Variants in NRAP observed in about 807,000 individuals in gnomAD.
NRAP encodes the protein nebulin-related-anchoring protein.
A neutral mutation model predicts 225.9 loss-of-function variants in NRAP; 189 were observed. That is an observed-to-expected ratio of 0.84 (90% CI 0.74 to 0.94). NRAP has a LOEUF of 0.94. NRAP is among the 40% of genes least tolerant of loss of function. The probability of loss-of-function intolerance (pLI) is 0.00; values close to 1 mark genes in which losing one functional copy is unlikely to be tolerated. For missense variants in NRAP, 2,176 were observed against 2,168.7 expected (o/e 1.00, Z -0.07); for synonymous variants, 769 against 790.7 (o/e 0.97, Z 0.46).
chr10:113,626,143 T>C lies in NRAP; in HGVS notation c.2148A>G (p.Lys716=), dbSNP rs771062106. Residue 716 remains lysine, a splice_region_variant and synonymous_variant, in exon 21 of 42, where the codon AAA becomes AAG. Transcript: ENST00000359988. ...AKKAGQLVSE[K]NYRQRVDELK... ...GCTCATCGACCCTCTGCCGGTAGTT[T>C]TTCTGTTTCCAAAGGAAAGGGACCC... 2 of 1,600,220 alleles carry C rather than the reference T, an allele frequency of 1.2e-6. No homozygotes were observed. Among genetic ancestry groups the C allele is most frequent in the African/African-American group, 1.3e-5 (1 of 74,588 alleles).
At chr10:113,626,211 G>GCC (rs1157397298) in intron 20 of NRAP, 66 bp from the exon 21 acceptor site, 8 of 951,868 alleles carry the variant, frequency 8.4e-6, no homozygotes, top group Non-Finnish European at 1.1e-5. Flanking sequence ...CTACTCATGT[G>GCC]CCCCCACACA....
At chr10:113,648,405 C>T (rs1291651951) in intron 9 of NRAP, among the ~76,000 whole-genome samples, 1 of 144,844 alleles carries the variant, frequency 6.9e-6, no homozygotes, top group Admixed American at 7.0e-5. Flanking sequence ...CCATTCTGCT[C>T]TATAGTTTTG....
chr10:113,590,228 G>A (rs1227519543), intron 40 of NRAP, among the ~76,000 whole-genome samples: 5 of 152,176 alleles, frequency 3.3e-5, no homozygotes, highest in African/African-American at 1.2e-4. Flanking sequence ...CAAACCAAAA[G>A]GGGTTGGTAT....
At chr10:113,637,689 C>T (rs184755910) in intron 14 of NRAP, among the ~76,000 whole-genome samples, 9 of 152,050 alleles carry the variant, frequency 5.9e-5, no homozygotes, top group South Asian at 2.1e-4. Flanking sequence ...TTTGGGAGGC[C>T]GAGGCAGGCG....
At position 113,614,232 on chromosome 10, in the gene NRAP, T is replaced by G. The variant is rs1420128074; in HGVS notation, c.3251A>C (p.Asp1084Ala). The change falls in exon 29 of 42, where the codon GAT becomes GCT. Residue 1084 changes from aspartate to alanine, a missense_variant. Asp to Ala is a moderately radical substitution (Grantham distance 126). Coordinates refer to ENST00000359988, the MANE Select transcript of NRAP (RefSeq NM_198060.4). Reference sequence around the variant, plus strand: ...CACTGAATGTGCAAGGCTGATATCATCTTCCAAGCTCCGGGAACCAAGCAT... The same window carrying G: ...CACTGAATGTGCAAGGCTGATATCAGCTTCCAAGCTCCGGGAACCAAGCAT... The part of the protein sequence containing the change: ...GQMLGSRSLE[D>A]DISLAHSVYA... 4.3e-6 allele frequency: 7 copies of G among 1,614,016 alleles called. No individual in the cohort carries two copies. Among genetic ancestry groups the G allele is most frequent in the Non-Finnish European group, 5.9e-6 (7 of 1,179,970 alleles).
rs1343024215 is a variant in NRAP at position 113,597,170 on chromosome 10, T to A, written c.4347A>T (p.Lys1449Asn). 6.2e-7 allele frequency: 1 copy of A among 1,609,564 alleles called. No homozygotes were observed. The highest frequency in any genetic ancestry group is 8.5e-7 in the Non-Finnish European group (1 of 1,175,786). Reference protein sequence around the residue: ...GELISETKYRKKPDSIKFTTV... With the variant: ...GELISETKYRNKPDSIKFTTV... ...TGGTGAACTTGATACTGTCTGGTTT[T>A]TTACGGTACTTGGTCTATAAGATAA... is the stretch of plus-strand genomic sequence containing the variant. Residue 1449 changes from lysine (K) to asparagine (N), a missense_variant, in exon 37 of 42, where the codon AAA becomes AAT. Coordinates refer to ENST00000359988, the MANE Select transcript of NRAP (RefSeq NM_198060.4).
intron 38 of NRAP, among the ~76,000 whole-genome samples, chr10:113,593,878 T>C (rs1374115256): frequency 6.6e-6 from 1 of 152,224 alleles, no homozygotes; most frequent in Admixed American, 6.5e-5. Flanking sequence ...CACTTTGGTG[T>C]CCAATGCACC....
rs763261692 is a variant in NRAP at position 113,629,726 on chromosome 10, C to T, written c.1902G>A (p.Met634Ile). 28 of 1,613,844 alleles carry T rather than the reference C, an allele frequency of 1.7e-5. No individual in the cohort carries two copies. The highest frequency in any genetic ancestry group is 2.3e-5 in the Non-Finnish European group (27 of 1,179,870). Residue 634 changes from methionine to isoleucine, a missense_variant, in exon 19 of 42, where the codon ATG (methionine) becomes ATA (isoleucine). Coordinates refer to ENST00000359988, the MANE Select transcript of NRAP (RefSeq NM_198060.4). ...SKTRFHLPMD[M>I]VNIRHAKKAQ... ...CCTTCTTAGCATGCCTGATGTTTAC[C>T]ATATCCATGGGCAGGTGAAACCGGG...
chr10:113,589,796 A>G lies in NRAP; in HGVS notation c.4958T>C (p.Val1653Ala). 1 of 1,613,596 alleles carries G rather than the reference A, an allele frequency of 6.2e-7. No homozygotes were observed. The highest frequency in any genetic ancestry group is 8.5e-7 in the Non-Finnish European group (1 of 1,179,854). Residue 1653 changes from valine (V) to alanine (A), a missense_variant and splice_region_variant, in exon 41 of 42, where the codon GTC becomes GCC. Physicochemically the swap from Val to Ala is moderately conservative, Grantham distance 64. Transcript: ENST00000359988. ...AQKAHQLQSDVKYKSDLNLTR... is the reference protein window; with the variant it reads ...AQKAHQLQSDAKYKSDLNLTR... ...CAGGTTCAAGTCTGATTTATACTTG[A>G]CCTTGAGGGTAAGAGGGAAGCAAGA...
chr10:113,627,359 A>T lies in NRAP; in HGVS notation c.2146-1214T>A, dbSNP rs543287878. Reference sequence around the variant, plus strand: ...TCCGTACAGAGCACAGAAGGAACATAAAAAAGGTGAAGGAAGTAATATCCT... The same window carrying T: ...TCCGTACAGAGCACAGAAGGAACATTAAAAAGGTGAAGGAAGTAATATCCT... On this transcript the variant is annotated intron_variant, in intron 20 of 41. Transcript: ENST00000359988. Among the ~76,000 whole-genome samples, 5 of 152,318 alleles carry T rather than the reference A, an allele frequency of 3.3e-5. No individual in the cohort carries two copies. The East Asian group carries it at 9.6e-4, about 29-fold the overall frequency.
At chr10:113,600,319 G>T (rs911318399) in intron 35 of NRAP, among the ~76,000 whole-genome samples, 2 of 151,204 alleles carry the variant, frequency 1.3e-5, no homozygotes, top group Non-Finnish European at 2.9e-5. Context: ...CCACAGGTGT[G>T]CACCACCACA....
Position 113,650,073 on chromosome 10 carries a change from G to A in NRAP, c.852C>T (p.Gly284=). 5.0e-6 allele frequency: 8 copies of A among 1,610,172 alleles called. No homozygotes were observed. The highest frequency in any genetic ancestry group is 1.1e-5 in the South Asian group (1 of 90,982). Residue 284 remains glycine (G), a synonymous_variant, in exon 9 of 42, where the codon GGC becomes GGT. Transcript: ENST00000359988. ...GGTCTGCACATTCCCTTGTCAAGAT[G>A]CCCTCAGCTCCAATGGCTGGACCAG... ...GMAGPAIGAE[G]ILTRECADQY...
At chr10:113,625,939 G>T in intron 21 of NRAP, 108 bp downstream of exon 21, 1 of 676,298 alleles carries the variant, frequency 1.5e-6, no homozygotes, top group Non-Finnish European at 2.4e-6. Flanking sequence ...TAGAGGGAAG[G>T]CTCTTTGGTT....
intron 4 of NRAP, among the ~76,000 whole-genome samples, chr10:113,654,780 T>C (rs1850202317): frequency 6.6e-6 from 1 of 152,198 alleles, no homozygotes; most frequent in Admixed American, 6.5e-5. Flanking sequence ...GCATCCACTT[T>C]AGAAGGTCCG....
In NRAP at chr10:113,642,950, G is replaced by A. The variant is rs1480510912; in HGVS notation, c.1199C>T (p.Ser400Leu). ...TPQFRNVSKISKFTSDNKYKE... is the reference protein window; with the variant it reads ...TPQFRNVSKILKFTSDNKYKE... ...ACAACTCACATCACTGGTAAATTTT[G>A]AGATCTTGCTCACGTTCCTGAATTG... Residue 400 changes from serine to leucine, a missense_variant, in exon 12 of 42, where the codon TCA becomes TTA. Physicochemically the swap from Ser to Leu is moderately radical, Grantham distance 145. Coordinates refer to ENST00000359988, the MANE Select transcript of NRAP (RefSeq NM_198060.4). 2 of 1,594,806 alleles carry A rather than the reference G, an allele frequency of 1.3e-6. No homozygotes were observed. The highest frequency in any genetic ancestry group is 1.3e-5 in the African/African-American group (1 of 74,516).
At chr10:113,650,818 G>A (rs1394138071) in intron 7 of NRAP, among the ~76,000 whole-genome samples, 3 of 152,212 alleles carry the variant, frequency 2.0e-5, no homozygotes, top group Admixed American at 2.0e-4. Context: ...CCTGGGCAGA[G>A]TAATAAGTCC....
In NRAP at chr10:113,647,890, C is replaced by A. The variant is rs148316889; in HGVS notation, c.889-863G>T. Among the ~76,000 whole-genome samples the A allele has an allele frequency of 1.1e-3, 174 of 152,324 alleles. 6 individuals carry two copies. Among genetic ancestry groups the A allele is most frequent in the African/African-American group, 4.1e-3 (170 of 41,560 alleles). On this transcript the variant is annotated intron_variant, in intron 9 of 41. Transcript: ENST00000359988. ...TTTCTTTTATCTTCCCCACACCATCCATCCACTCCCAGAAAGGAAAACCTT... is the reference window on the plus strand; with the variant it reads ...TTTCTTTTATCTTCCCCACACCATCAATCCACTCCCAGAAAGGAAAACCTT...
chr10:113,606,671 G>A (rs1021219257), intron 32 of NRAP, among the ~76,000 whole-genome samples: 1 of 152,206 alleles, frequency 6.6e-6, no homozygotes, highest in South Asian at 2.1e-4. Context: ...ACCCAGGCCT[G>A]TACCCTTTAC....
At chr10:113,644,768 C>T (rs751750687) in intron 11 of NRAP, among the ~76,000 whole-genome samples, 11 of 152,148 alleles carry the variant, frequency 7.2e-5, no homozygotes, top group Non-Finnish European at 1.6e-4. Flanking sequence ...AAAGGACCAG[C>T]TTTTAGAGGT....
Sources: gnomAD v4.1 joint callset for allele counts (sites outside exome capture counted in the v4.1 genomes callset) on GRCh38, gnomAD v4.1.1 for gene constraint, MANE v1.5 for transcripts, NCBI Gene and HGNC (gene_info 2026-07-23, HGNC 2026-07-21) for gene names.